PARP15: variants seen among roughly 807,000 people sequenced by gnomAD.
PARP15 encodes the protein poly(ADP-ribose) polymerase family member 15.
PARP15 carries 50 observed loss-of-function variants against 62.1 expected under a neutral mutation model. The ratio of observed to expected loss-of-function variants is 0.81; its 90% confidence interval spans 0.64 to 1.02. The LOEUF (loss-of-function observed/expected upper bound fraction) is 1.02. Among genes scored for constraint, PARP15 ranks in the 50% least tolerant of loss-of-function variants. The probability of loss-of-function intolerance (pLI) is 0.00; values close to 1 mark genes in which losing one functional copy is unlikely to be tolerated. For synonymous variants in PARP15, 309 were observed against 293.1 expected, an observed-to-expected ratio of 1.05 and a Z score of -0.55; for missense variants, 820 against 826.5, an observed-to-expected ratio of 0.99 and a Z score of 0.10.
At chr3:122,614,606 T>C (rs1358524507) in intron 4 of PARP15, among the ~76,000 whole-genome samples, 2 of 152,038 alleles carry the variant, frequency 1.3e-5, no homozygotes, top group African/African-American at 4.8e-5. Context: ...CTGGGGGAAA[T>C]TATTATTAGC....
intron 10 of PARP15, among the ~76,000 whole-genome samples, chr3:122,632,683 C>T (rs771398771): frequency 6.6e-6 from 1 of 152,210 alleles, no homozygotes; most frequent in African/African-American, 2.4e-5. Context: ...TCATTCACAA[C>T]CCATAGAAGA....
At position 122,615,762 on chromosome 3, in the gene PARP15, A is replaced by T. The variant is rs1437311568; in HGVS notation, c.772-17A>T. The T allele has an allele frequency of 6.2e-7, 1 of 1,609,166 alleles. No individual in the cohort carries two copies. Among genetic ancestry groups the T allele is most frequent in the East Asian group, 2.2e-5 (1 of 44,856 alleles). On this transcript the variant is annotated splice_polypyrimidine_tract_variant and intron_variant, in intron 4 of 11. Transcript: ENST00000464300. ...TTACACAATATTGTTGTAGTCAGTA[A>T]CTGTTTCTATTTCCAGGCATTTTTA...
chr3:122,588,634 G>T (rs879743748), intron 1 of PARP15, among the ~76,000 whole-genome samples: 21 of 151,768 alleles, frequency 1.4e-4, no homozygotes, highest in Non-Finnish European at 2.2e-4. Flanking sequence ...CTCCAGCCTG[G>T]GTGACAGAGC....
At chr3:122,578,060 T>C (rs1388601871) in intron 1 of PARP15, among the ~76,000 whole-genome samples, 4 of 151,224 alleles carry the variant, frequency 2.6e-5, no homozygotes, top group African/African-American at 9.7e-5. Flanking sequence ...GGTTTTTTTT[T>C]TTTTTCCCTT....
chr3:122,620,008 A>G (rs1404494692), intron 7 of PARP15, among the ~76,000 whole-genome samples, 165 bp downstream of exon 7: 6 of 152,116 alleles, frequency 3.9e-5, no homozygotes, highest in Non-Finnish European at 7.4e-5. Flanking sequence ...CTTGGAGGCT[A>G]TGGGGGAGAG....
At chr3:122,606,166 A>C (rs1935147647) in intron 2 of PARP15, 111 bp downstream of exon 2, 1 of 1,282,272 alleles carries the variant, frequency 7.8e-7, no homozygotes, top group African/African-American at 1.5e-5. Flanking sequence ...AAGATTAAAG[A>C]TATCAAAGAT....
chr3:122,591,404 C>T lies in PARP15; in HGVS notation c.186+13551C>T, dbSNP rs185572572. ...CTTGCTCATGGAGTCTGTTACTGGC[C>T]TGCCAGAAGCCAATTGTGACTTCAG... On this transcript the variant is annotated intron_variant, in intron 1 of 11. Transcript: ENST00000464300. Among the ~76,000 whole-genome samples the T allele has an allele frequency of 2.0e-5, 3 of 152,306 alleles. No individual in the cohort carries two copies. In the East Asian group the frequency reaches 5.8e-4, roughly 29 times the overall value.
rs1455713262 is a variant in PARP15, at chr3:122,636,409, C to A, written c.*309C>A. The A allele has an allele frequency of 6.7e-6, 2 of 299,846 alleles. No homozygotes were observed. The highest frequency in any genetic ancestry group is 4.3e-5 in the African/African-American group (2 of 46,864). 18.6% of individuals were successfully genotyped at this position (299,846 alleles called of 1,614,324 possible). A position where few individuals can be genotyped will look rare whatever the true frequency, so the allele number is the denominator to read the frequency against. On this transcript the variant is annotated 3_prime_UTR_variant, in exon 12 of 12. Transcript: ENST00000464300. ...TCTATCAGAAAAAAACAAGATGCAT[C>A]ACCTTAAAACCAAGATGACATTGTT...
chr3:122,614,086 C>T (rs1316848552), intron 4 of PARP15, among the ~76,000 whole-genome samples: 8 of 152,096 alleles, frequency 5.3e-5, no homozygotes, highest in Non-Finnish European at 7.4e-5. Context: ...GATCCACCCA[C>T]CTCAGCCTCC....
At chr3:122,609,222 C>T (rs563515140) in intron 2 of PARP15, among the ~76,000 whole-genome samples, 1 of 152,214 alleles carries the variant, frequency 6.6e-6, no homozygotes, top group African/African-American at 2.4e-5. Context: ...CTGCAAGGGG[C>T]TTCTCAGATA....
chr3:122,604,637 G>A (rs965196709), intron 1 of PARP15, among the ~76,000 whole-genome samples: 11 of 150,864 alleles, frequency 7.3e-5, no homozygotes, highest in African/African-American at 1.7e-4. Flanking sequence ...GGCAGATCAC[G>A]AGGTCAGGAG....
chr3:122,617,125 AT>A lies in PARP15; in HGVS notation c.963del (p.Ile321MetfsTer2). 2 of 1,613,864 alleles carry A rather than the reference AT, an allele frequency of 1.2e-6. No homozygotes were observed. Among genetic ancestry groups the A allele is most frequent in the Non-Finnish European group, 8.5e-7 (1 of 1,179,822 alleles). Reference protein sequence around the residue: ...GDIATEQVDVIVNSTARTFNR... With the variant: ...GDIATEQVDVXVNSTARTFNR... ...TATAGCCACTGAACAGGTAGATGTTATTGTAAACTCAACAGCAAGGACATTT... is the reference window on the plus strand; with the variant it reads ...TATAGCCACTGAACAGGTAGATGTTATGTAAACTCAACAGCAAGGACATTT... On this transcript the variant is annotated frameshift_variant, in exon 6 of 12. Transcript: ENST00000464300. LOFTEE classifies it high-confidence loss of function.
At chr3:122,601,819 G>A (rs1367772225) in intron 1 of PARP15, among the ~76,000 whole-genome samples, 3 of 152,190 alleles carry the variant, frequency 2.0e-5, no homozygotes, top group Non-Finnish European at 4.4e-5. Flanking sequence ...AATCATATGG[G>A]AAGAGTATGT....
At chr3:122,632,340 G>A (rs1298590769) in intron 10 of PARP15, 121 bp downstream of exon 10, 1 of 981,190 alleles carries the variant, frequency 1.0e-6, no homozygotes, top group African/African-American at 1.7e-5. Context: ...ACTGGAATTA[G>A]ACTTACTCAA....
rs552502635 is a variant in PARP15, at chr3:122,586,370, C to G, written c.186+8517C>G. 9.2e-4 allele frequency among the ~76,000 whole-genome samples: 140 copies of G among 152,168 alleles called. 2 individuals carry two copies. In the Middle Eastern group the frequency reaches 0.01, roughly 11 times the overall value. Reference sequence around the variant, plus strand: ...TACAGGAACACACCACCATGCCCAGCTAATTTTTTGAAAAGCTTTTTTATA... The same window carrying G: ...TACAGGAACACACCACCATGCCCAGGTAATTTTTTGAAAAGCTTTTTTATA... On this transcript the variant is annotated intron_variant, in intron 1 of 11. Coordinates refer to ENST00000464300, the MANE Select transcript of PARP15 (RefSeq NM_001113523.3).
At chr3:122,590,554 G>T (rs768658062) in intron 1 of PARP15, among the ~76,000 whole-genome samples, 20 of 152,234 alleles carry the variant, frequency 1.3e-4, no homozygotes, top group Middle Eastern at 3.4e-3. Context: ...GATTACAGGC[G>T]TGAGCCACCG....
At chr3:122,621,735 G>C in intron 8 of PARP15, 124 bp downstream of exon 8, 1 of 901,140 alleles carries the variant, frequency 1.1e-6, no homozygotes, top group Non-Finnish European at 1.6e-6. Flanking sequence ...AAATCAGAGA[G>C]GGAGCCATCT....
intron 2 of PARP15, 119 bp downstream of exon 2, chr3:122,606,174 G>T: frequency 7.9e-7 from 1 of 1,263,610 alleles, no homozygotes. Flanking sequence ...AGATATCAAA[G>T]ATAAATTTGA....
chr3:122,577,802 C>A lies in PARP15; in HGVS notation c.135C>A (p.Ala45=). Residue 45 remains alanine (A), a synonymous_variant, in exon 1 of 12, where the codon GCC becomes GCA. Transcript: ENST00000464300. The part of the protein sequence containing the change: ...RDREAGSVLP[A]GNRGARKASR... The stretch of plus-strand genomic sequence containing the variant: ...GGGAGGCGGGGAGCGTGCTGCCGGC[C>A]GGGAACCGTGGGGCGCGGAAGGCCT... 1.3e-6 allele frequency: 2 copies of A among 1,550,854 alleles called. No individual in the cohort carries two copies. The highest frequency in any genetic ancestry group is 2.4e-5 in the South Asian group (2 of 84,002).
Sources: gnomAD v4.1 joint callset for allele counts (sites outside exome capture counted in the v4.1 genomes callset) on GRCh38, gnomAD v4.1.1 for gene constraint, MANE v1.5 for transcripts, NCBI Gene and HGNC (gene_info 2026-07-23, HGNC 2026-07-21) for gene names.